Variants in PPARGC1B observed in about 807,000 individuals in gnomAD.
PPARGC1B encodes the protein peroxisome proliferator-activated receptor gamma coactivator 1-beta.
A neutral mutation model predicts 101.6 loss-of-function variants in PPARGC1B; 34 were observed. The ratio of observed to expected loss-of-function variants is 0.33; its 90% CI spans 0.25 to 0.45. The LOEUF is 0.45. Ranked by LOEUF, PPARGC1B falls within the 20% of genes least tolerant of loss-of-function variation. PPARGC1B has a pLI of 1.00. For synonymous variants in PPARGC1B, 548 were observed against 539.3 expected, an observed-to-expected ratio of 1.02 and a Z score of -0.22; for missense variants, 1,234 against 1,317.6, an observed-to-expected ratio of 0.94 and a Z score of 0.98.
intron 2 of PPARGC1B, among the ~76,000 whole-genome samples, chr5:149,826,062 C>T (rs1416551365): frequency 1.3e-5 from 2 of 152,190 alleles, no homozygotes; most frequent in African/African-American, 2.4e-5. Context: ...CCTGAGAGCC[C>T]AGAGGTGCTA....
intron 1 of PPARGC1B, among the ~76,000 whole-genome samples, chr5:149,806,958 T>A (rs1424612980): frequency 1.3e-5 from 2 of 149,282 alleles, no homozygotes; most frequent in Non-Finnish European, 3.0e-5. Context: ...AATTTACCCT[T>A]TTTTTTTTTC....
At chr5:149,757,146 C>A (rs912416830) in intron 1 of PPARGC1B, among the ~76,000 whole-genome samples, 1 of 152,154 alleles carries the variant, frequency 6.6e-6, no homozygotes, top group Non-Finnish European at 1.5e-5. Context: ...GCGGTCCAGA[C>A]GCCTCTCTGC....
intron 10 of PPARGC1B, among the ~76,000 whole-genome samples, chr5:149,844,953 T>G (rs186993145): frequency 2.0e-3 from 299 of 152,302 alleles, no homozygotes; most frequent in Non-Finnish European, 3.6e-3. Flanking sequence ...CCCAGCAGCT[T>G]AGAGACCCCT....
At chr5:149,777,417 C>T (rs532915947) in intron 1 of PPARGC1B, among the ~76,000 whole-genome samples, 1 of 152,184 alleles carries the variant, frequency 6.6e-6, no homozygotes, top group South Asian at 2.1e-4. Flanking sequence ...CCAAAAGCCA[C>T]CACCCCCTGG....
In PPARGC1B at chr5:149,837,983, G is replaced by GGCAGGT. The variant is rs1178576549; in HGVS notation, c.2618+915_2618+916insTGCAGG. 6.6e-5 allele frequency among the ~76,000 whole-genome samples: 10 copies of GGCAGGT among 152,280 alleles called. No homozygotes were observed. In the East Asian group the frequency reaches 1.9e-3, roughly 29 times the overall value. On this transcript the variant is annotated intron_variant, in intron 8 of 11. Coordinates refer to ENST00000309241, the MANE Select transcript of PPARGC1B (RefSeq NM_133263.4). The surrounding 1 kb of genome is among the most constrained non-coding windows in gnomAD (Gnocchi z 4.2). ...AGGTCTGGGGTGGGGCAGGGGCAGG[G>GGCAGGT]GCAGGGGCAGGGATTGGCGTTTCCA...
intron 1 of PPARGC1B, among the ~76,000 whole-genome samples, chr5:149,765,788 G>A (rs1755887224): frequency 6.6e-6 from 1 of 151,310 alleles, no homozygotes; most frequent in Non-Finnish European, 1.5e-5. Flanking sequence ...GTGAACCCGG[G>A]AGGTGGAGCT....
chr5:149,788,619 A>T (rs1378063095), intron 1 of PPARGC1B, among the ~76,000 whole-genome samples: 1 of 152,230 alleles, frequency 6.6e-6, no homozygotes, highest in African/African-American at 2.4e-5. Context: ...ATAAAGACAC[A>T]TGCACATGTA....
At chr5:149,754,094 T>C (rs1325493945) in intron 1 of PPARGC1B, among the ~76,000 whole-genome samples, 1 of 152,238 alleles carries the variant, frequency 6.6e-6, no homozygotes, top group East Asian at 1.9e-4. Flanking sequence ...TGTTTGTTTC[T>C]TCACACCTTC....
At chr5:149,791,227 G>A (rs1468219885) in intron 1 of PPARGC1B, among the ~76,000 whole-genome samples, 1 of 150,684 alleles carries the variant, frequency 6.6e-6, no homozygotes, top group Non-Finnish European at 1.5e-5. Flanking sequence ...TGGGGGCAGA[G>A]GTTACAGTGA....
chr5:149,833,334 C>A lies in PPARGC1B; in HGVS notation c.1261C>A (p.Arg421Ser), dbSNP rs141717472. Reference protein sequence around the residue: ...PLRLEVKREVRRPARLQQQEE... With the variant: ...PLRLEVKREVSRPARLQQQEE... ...GCGGCTGGAGGTGAAAAGGGAGGTC[C>A]GCCGGCCTGCCAGACTGCAGCAGCA... The change falls in exon 5 of 12, where the codon CGC becomes AGC. Residue 421 changes from arginine to serine, a missense_variant. Arg to Ser is a moderately radical substitution (Grantham distance 110). Transcript: ENST00000309241. The surrounding 1 kb of genome is among the most constrained non-coding windows in gnomAD (Gnocchi z 4.1). The A allele has an allele frequency of 1.7e-5, 27 of 1,613,256 alleles. No homozygotes were observed. In the African/African-American group the frequency reaches 3.6e-4, roughly 22 times the overall value.
At chr5:149,759,360 C>CT (rs1317890826) in intron 1 of PPARGC1B, among the ~76,000 whole-genome samples, 2 of 152,106 alleles carry the variant, frequency 1.3e-5, no homozygotes, top group Non-Finnish European at 2.9e-5. Context: ...TTGTTTGCCT[C>CT]TTTATTTATT....
chr5:149,786,409 T>G (rs1756810486), intron 1 of PPARGC1B, among the ~76,000 whole-genome samples: 1 of 152,174 alleles, frequency 6.6e-6, no homozygotes, highest in Non-Finnish European at 1.5e-5. Flanking sequence ...TTTTTGTATT[T>G]TTTATAGAGA....
chr5:149,840,514 C>T (rs1040110607), intron 9 of PPARGC1B, among the ~76,000 whole-genome samples: 1 of 152,146 alleles, frequency 6.6e-6, no homozygotes, highest in African/African-American at 2.4e-5. Context: ...CCCCCAGCTA[C>T]CCCGAGCCTC....
intron 10 of PPARGC1B, among the ~76,000 whole-genome samples, chr5:149,843,439 G>A (rs58696088): frequency 0.04 from 6,030 of 152,236 alleles, 153 homozygotes; most frequent in East Asian, 0.13. Flanking sequence ...TGGTGTAAGA[G>A]TTATTATATA....
intron 1 of PPARGC1B, among the ~76,000 whole-genome samples, chr5:149,746,563 G>A (rs1173449184): frequency 6.6e-6 from 1 of 152,176 alleles, no homozygotes; most frequent in African/African-American, 2.4e-5. Context: ...ATGAACATGG[G>A]TGCACAAATA....
Position 149,832,665 on chromosome 5 carries a change from A to G in PPARGC1B, c.592A>G (p.Thr198Ala). Residue 198 changes from threonine (T) to alanine (A), a missense_variant, in exon 5 of 12, where the codon ACC becomes GCC. By Grantham distance (58) the Thr-to-Ala change is moderately conservative. Around this residue, in one of 3 missense-constraint regions of PPARGC1B, gnomAD observed 734 missense variants for 768.4 expected, o/e 0.96. Transcript: ENST00000309241. This position sits in a 1 kb window ranked among gnomAD's most constrained non-coding sequence, Gnocchi z 4.9. The part of the protein sequence containing the change: ...SQRPCVKADS[T>A]QDKKAPMMQS... Reference sequence around the variant, plus strand: ...CTCTCTCCCTCTCTAGGCGGACAGCACCCAAGACAAGAAGGCTCCCATGAT... The same window carrying G: ...CTCTCTCCCTCTCTAGGCGGACAGCGCCCAAGACAAGAAGGCTCCCATGAT... 6.5e-7 allele frequency: 1 copy of G among 1,540,844 alleles called. No homozygotes were observed. The highest frequency in any genetic ancestry group is 8.8e-7 in the Non-Finnish European group (1 of 1,140,768).
intron 1 of PPARGC1B, among the ~76,000 whole-genome samples, chr5:149,787,306 CT>C (rs1053200589): frequency 2.0e-5 from 3 of 152,342 alleles, no homozygotes; most frequent in Admixed American, 6.5e-5. Context: ...GGGCCCACCC[CT>C]GGGCAAGAGT....
chr5:149,736,027 G>A (rs1043969058), intron 1 of PPARGC1B, among the ~76,000 whole-genome samples: 1 of 152,176 alleles, frequency 6.6e-6, no homozygotes, highest in Admixed American at 6.5e-5. Context: ...AGGAGGCTGA[G>A]GCCAGAGAAT....
intron 3 of PPARGC1B, among the ~76,000 whole-genome samples, chr5:149,828,937 G>T (rs1197475830): frequency 6.6e-6 from 1 of 151,728 alleles, no homozygotes; most frequent in South Asian, 2.1e-4. Flanking sequence ...TGTAGTCCCA[G>T]CTACTCTGGA....
Sources: gnomAD v4.1 joint callset for allele counts (sites outside exome capture counted in the v4.1 genomes callset) on GRCh38, gnomAD v4.1.1 for gene constraint, gnomAD v4.1.1 regional missense constraint, Gnocchi (gnomAD v3.1) non-coding constraint, MANE v1.5 for transcripts, NCBI Gene and HGNC (gene_info 2026-07-23, HGNC 2026-07-21) for gene names.